The following CLEC16A variants were observed in gnomAD, a reference collection of about 807,000 sequenced individuals.
The protein encoded by CLEC16A is C-type lectin domain containing 16A, also known as protein CLEC16A.
In CLEC16A, 51 loss-of-function variants were observed where a neutral mutation model predicts 109.5. That is an observed-to-expected ratio of 0.47 (90% CI 0.37 to 0.59). The LOEUF (loss-of-function observed/expected upper bound fraction) is 0.59. Among genes scored for constraint, CLEC16A ranks in the 20% least tolerant of loss-of-function variants. The pLI, the probability that CLEC16A is intolerant of heterozygous loss-of-function variation, is 0.00. For synonymous variants in CLEC16A, 673 were observed against 564.2 expected, an observed-to-expected ratio of 1.19 and a Z score of -2.73; for missense variants, 1,339 against 1,394.0, an observed-to-expected ratio of 0.96 and a Z score of 0.63.
intron 9 of CLEC16A, 144 bp from the exon 10 acceptor site, chr16:10,982,734 C>T (rs1437553721): frequency 8.6e-6 from 5 of 582,180 alleles, no homozygotes; most frequent in Non-Finnish European, 1.6e-5. Context: ...CTTCCTGTGG[C>T]TCATTCTTTG....
At chr16:10,989,893 A>G (rs542255400) in intron 10 of CLEC16A, among the ~76,000 whole-genome samples, 42 of 152,218 alleles carry the variant, frequency 2.8e-4, no homozygotes, top group African/African-American at 8.2e-4. Context: ...TTACAACTCA[A>G]ACTTGTATCC....
At chr16:11,029,244 A>G (rs1039590952) in intron 13 of CLEC16A, among the ~76,000 whole-genome samples, 5 of 152,008 alleles carry the variant, frequency 3.3e-5, no homozygotes, top group Non-Finnish European at 5.9e-5. Context: ...TCCCATGGTG[A>G]GGTGGTCTCT....
At chr16:10,986,197 A>C (rs557755545) in intron 10 of CLEC16A, among the ~76,000 whole-genome samples, 9 of 150,668 alleles carry the variant, frequency 6.0e-5, no homozygotes, top group Non-Finnish European at 8.9e-5. Context: ...CACCCGGCTC[A>C]TTTTTTGTAT....
intron 22 of CLEC16A, among the ~76,000 whole-genome samples, chr16:11,137,403 C>T (rs1255859408): frequency 6.6e-6 from 1 of 151,648 alleles, no homozygotes; most frequent in Non-Finnish European, 1.5e-5. Context: ...AAAGACAATC[C>T]CCTGGAACAA....
At chr16:11,021,748 GATT>G (rs2046112262) in intron 12 of CLEC16A, among the ~76,000 whole-genome samples, 1 of 152,198 alleles carries the variant, frequency 6.6e-6, no homozygotes, top group Admixed American at 6.5e-5. Flanking sequence ...AATGCACTAT[GATT>G]GCACCACTGC....
At chr16:11,037,898 A>G (rs2047113685) in intron 13 of CLEC16A, among the ~76,000 whole-genome samples, 1 of 152,062 alleles carries the variant, frequency 6.6e-6, no homozygotes, top group Non-Finnish European at 1.5e-5. Context: ...AATGCCAGAA[A>G]GATTCAGTTG....
intron 22 of CLEC16A, among the ~76,000 whole-genome samples, chr16:11,155,678 T>C (rs2054483803): frequency 1.3e-5 from 2 of 152,236 alleles, no homozygotes; most frequent in Non-Finnish European, 2.9e-5. Flanking sequence ...TTGTTGTAGA[T>C]GATGTGTCAT....
At chr16:11,104,020 T>C (rs1446551729) in intron 19 of CLEC16A, among the ~76,000 whole-genome samples, 1 of 152,190 alleles carries the variant, frequency 6.6e-6, no homozygotes, top group Non-Finnish European at 1.5e-5. Flanking sequence ...CCAGCATCTG[T>C]GGGTACCAGG....
chr16:11,050,445 C>G (rs1223293795), intron 17 of CLEC16A, among the ~76,000 whole-genome samples: 1 of 152,224 alleles, frequency 6.6e-6, no homozygotes, highest in African/African-American at 2.4e-5. Context: ...TTGAAGCCCA[C>G]TTTCTGAAAA....
At chr16:10,951,709 C>T (rs2041742316) in intron 1 of CLEC16A, among the ~76,000 whole-genome samples, 1 of 152,208 alleles carries the variant, frequency 6.6e-6, no homozygotes, top group African/African-American at 2.4e-5. Context: ...TGAGAAAACA[C>T]GTTGTCATTC....
At chr16:10,956,287 A>C (rs899765112) in intron 1 of CLEC16A, among the ~76,000 whole-genome samples, 6 of 152,228 alleles carry the variant, frequency 3.9e-5, no homozygotes, top group Non-Finnish European at 2.9e-5. Flanking sequence ...AGTATTCGTA[A>C]ATAAACCCTA....
At chr16:11,161,512 C>T (rs977282965) in intron 22 of CLEC16A, among the ~76,000 whole-genome samples, 10 of 152,056 alleles carry the variant, frequency 6.6e-5, no homozygotes, top group Non-Finnish European at 1.3e-4. Flanking sequence ...AGGCAGATCG[C>T]CATATTTCCA....
intron 18 of CLEC16A, among the ~76,000 whole-genome samples, chr16:11,059,692 C>T (rs994572851): frequency 6.6e-6 from 1 of 152,206 alleles, no homozygotes; most frequent in South Asian, 2.1e-4. Context: ...CACTGGGATT[C>T]GCCTTTGCAG....
At chr16:10,971,413 C>G in intron 5 of CLEC16A, 183 bp downstream of exon 5, 3 of 463,238 alleles carry the variant, frequency 6.5e-6, no homozygotes, top group Non-Finnish European at 8.5e-6. Flanking sequence ...CATGGAAATC[C>G]TTGCCTTCTC....
At chr16:11,025,110 A>G (rs890084301) in intron 13 of CLEC16A, among the ~76,000 whole-genome samples, 189 bp downstream of exon 13, 6 of 152,036 alleles carry the variant, frequency 3.9e-5, no homozygotes, top group Non-Finnish European at 8.8e-5. Context: ...GTGTTTTTCT[A>G]CCAACTGAAG....
chr16:11,141,882 T>G (rs2153067232), intron 22 of CLEC16A, among the ~76,000 whole-genome samples: 1 of 152,218 alleles, frequency 6.6e-6, no homozygotes. Flanking sequence ...CCGCAGAGCG[T>G]AGTGAGGTGG....
In CLEC16A at chr16:11,126,164, C is replaced by T. The variant is rs776601584; in HGVS notation, c.2641+18C>T. 6.2e-7 allele frequency: 1 copy of T among 1,613,604 alleles called. No homozygotes were observed. The highest frequency in any genetic ancestry group is 8.5e-7 in the Non-Finnish European group (1 of 1,179,868). On this transcript the variant is annotated intron_variant, in intron 22 of 23. Coordinates refer to ENST00000409790, the MANE Select transcript of CLEC16A (RefSeq NM_015226.3). Reference sequence around the variant, plus strand: ...GGTGCCAGGTGAGCCAGCCCCCCGCCCTGCGCCACAGCTCGTTCATCATGG... The same window carrying T: ...GGTGCCAGGTGAGCCAGCCCCCCGCTCTGCGCCACAGCTCGTTCATCATGG...
At chr16:11,106,927 C>A (rs949988447) in intron 19 of CLEC16A, among the ~76,000 whole-genome samples, 3 of 152,126 alleles carry the variant, frequency 2.0e-5, no homozygotes, top group Admixed American at 2.0e-4. Context: ...GGGACTGTTG[C>A]CCTGCACAGC....
At chr16:11,045,836 A>G (rs991309138) in intron 16 of CLEC16A, among the ~76,000 whole-genome samples, 1 of 152,142 alleles carries the variant, frequency 6.6e-6, no homozygotes, top group African/African-American at 2.4e-5. Flanking sequence ...CTTTGCAGGA[A>G]TCGTTTTAAG....
Sources: gnomAD v4.1 joint callset for allele counts (sites outside exome capture counted in the v4.1 genomes callset) on GRCh38, gnomAD v4.1.1 for gene constraint, MANE v1.5 for transcripts, NCBI Gene and HGNC (gene_info 2026-07-23, HGNC 2026-07-21) for gene names.